The following IGSF22 variants were observed in gnomAD, a reference collection of about 807,000 sequenced individuals.
The protein encoded by IGSF22 is immunoglobulin superfamily member 22.
In IGSF22, 119 loss-of-function variants were observed where a neutral mutation model predicts 127.0. That is an observed-to-expected ratio of 0.94 (90% CI 0.81 to 1.09). The LOEUF is 1.09. Ranked by LOEUF, IGSF22 falls within the 50% of genes least tolerant of loss-of-function variation. IGSF22 has a pLI of 0.00. For missense variants in IGSF22, 1,518 were observed against 1,716.6 expected, an observed-to-expected ratio of 0.88 and a Z score of 2.04; for synonymous variants, 568 against 664.7, an observed-to-expected ratio of 0.85 and a Z score of 2.24.
At chr11:18,712,624 T>A (rs768746505) in intron 14 of IGSF22, among the ~76,000 whole-genome samples, 6 of 152,200 alleles carry the variant, frequency 3.9e-5, no homozygotes, top group Non-Finnish European at 8.8e-5. Context: ...TAGGGGCCCC[T>A]GCCCTTAGCT....
chr11:18,722,185 GA>G, intron 2 of IGSF22, 144 bp from the exon 3 acceptor site: 1 of 939,134 alleles, frequency 1.1e-6, no homozygotes, highest in Non-Finnish European at 1.6e-6. Context: ...TACATGGGGA[GA>G]AAGCAGGGTG....
In IGSF22 at chr11:18,707,137, G is replaced by A. The variant is rs1192765786; in HGVS notation, c.3357C>T (p.Ser1119=). 6.4e-7 allele frequency: 1 copy of A among 1,551,510 alleles called. No individual in the cohort carries two copies. The highest frequency in any genetic ancestry group is 8.7e-7 in the Non-Finnish European group (1 of 1,146,942). Reference sequence around the variant, plus strand: ...CCTCACCGTCCTCCTGCACATCTGGGCTGTGGTTCCAGGTCAGAGTCACTG... The same window carrying A: ...CCTCACCGTCCTCCTGCACATCTGGACTGTGGTTCCAGGTCAGAGTCACTG... ...PNTVTLTWNH[S]PDVQEDGEAH... The change falls in exon 21 of 23, where the codon AGC becomes AGT. Residue 1119 remains serine, a synonymous_variant. Coordinates refer to ENST00000513874, the MANE Select transcript of IGSF22 (RefSeq NM_173588.4).
At position 18,721,681 on chromosome 11, in the gene IGSF22, G is replaced by C. The variant is rs201256609; in HGVS notation, c.242-10C>G. Reference sequence around the variant, plus strand: ...AACACGGCTTTGTCCCCTGCGATGAGCACAGGACGCGTTTTCGCCTCTTAG... The same window carrying C: ...AACACGGCTTTGTCCCCTGCGATGACCACAGGACGCGTTTTCGCCTCTTAG... On this transcript the variant is annotated splice_polypyrimidine_tract_variant and intron_variant, in intron 3 of 22. Coordinates refer to ENST00000513874, the MANE Select transcript of IGSF22 (RefSeq NM_173588.4). 62 of 1,614,026 alleles carry C rather than the reference G, an allele frequency of 3.8e-5. No individual in the cohort carries two copies. Among genetic ancestry groups the C allele is most frequent in the Non-Finnish European group, 5.2e-5 (61 of 1,179,916 alleles).
At chr11:18,714,444 G>A in intron 12 of IGSF22, 26 bp from the exon 13 acceptor site, 5 of 1,614,150 alleles carry the variant, frequency 3.1e-6, no homozygotes, top group Non-Finnish European at 4.2e-6. Context: ...GGGCCTGAGT[G>A]TGAGCATAGG....
At chr11:18,717,782 C>T (rs1848488584) in intron 9 of IGSF22, 149 bp downstream of exon 9, 5 of 787,162 alleles carry the variant, frequency 6.4e-6, no homozygotes, top group Non-Finnish European at 1.0e-5. Flanking sequence ...CTGATGCTTC[C>T]TCCCTCCATT....
At position 18,712,389 on chromosome 11, in the gene IGSF22, G is replaced by A. The variant is rs1269172568; in HGVS notation, c.2096-5C>T. The A allele has an allele frequency of 3.9e-6, 6 of 1,545,268 alleles. No individual in the cohort carries two copies. The highest frequency in any genetic ancestry group is 1.4e-5 in the African/African-American group (1 of 72,868). On this transcript the variant is annotated splice_region_variant and splice_polypyrimidine_tract_variant and intron_variant, in intron 14 of 22. Coordinates refer to ENST00000513874, the MANE Select transcript of IGSF22 (RefSeq NM_173588.4). ...CCTGTGGAGGCTTTGGACGGTCTGG[G>A]GACAGAGAACAGCTTCAGAATGGGG...
chr11:18,705,335 A>G (rs1848203515), intron 22 of IGSF22: 1 of 165,902 alleles, frequency 6.0e-6, no homozygotes, highest in Non-Finnish European at 1.3e-5. Flanking sequence ...ACACATGAGT[A>G]GAAACATGGC....
chr11:18,707,272 C>A lies in IGSF22; in HGVS notation c.3281-59G>T, dbSNP rs903360148. ...GGGCACCTGAAGTATTATGTCCCCA[C>A]CCCAGCCATCTGCCAAGTCCGATGG... On this transcript the variant is annotated intron_variant, in intron 20 of 22. Coordinates refer to ENST00000513874, the MANE Select transcript of IGSF22 (RefSeq NM_173588.4). The A allele has an allele frequency of 5.7e-6, 8 of 1,399,554 alleles. No homozygotes were observed. The South Asian group carries it at 1.2e-4, about 21-fold the overall frequency. The allele number at this position is 1,399,554 out of a possible 1,614,324, so 86.7% of individuals were successfully genotyped here. A position where few individuals can be genotyped will look rare whatever the true frequency, so the allele number is the denominator to read the frequency against.
chr11:18,725,632 G>T (rs1237419224), intron 1 of IGSF22, among the ~76,000 whole-genome samples: 4 of 152,050 alleles, frequency 2.6e-5, no homozygotes, highest in Non-Finnish European at 5.9e-5. Flanking sequence ...AGTACAGATG[G>T]CGTTTCACTA....
At chr11:18,718,501 C>T (rs2134166596) in intron 8 of IGSF22, 114 bp downstream of exon 8, 1 of 768,154 alleles carries the variant, frequency 1.3e-6, no homozygotes, top group East Asian at 2.4e-5. Flanking sequence ...TCAACCATAC[C>T]AGGAGGCATC....
At chr11:18,722,360 T>G (rs1848590471) in intron 2 of IGSF22, among the ~76,000 whole-genome samples, 1 of 152,128 alleles carries the variant, frequency 6.6e-6, no homozygotes, top group Non-Finnish European at 1.5e-5. Flanking sequence ...CTCTTAGGCT[T>G]CTCTCCTGGA....
Position 18,705,039 on chromosome 11 carries a change from T to C in IGSF22, c.3911-501A>G, listed in dbSNP as rs1848196066. On this transcript the variant is annotated intron_variant, in intron 22 of 22. Coordinates refer to ENST00000513874, the MANE Select transcript of IGSF22 (RefSeq NM_173588.4). ...GAGACAGAGCAACAGGACAAGGTCC[T>C]TTCCCCAAAGAAAGGTATCTATAAC... is the stretch of plus-strand genomic sequence containing the variant. 2.0e-5 allele frequency among the ~76,000 whole-genome samples: 3 copies of C among 152,232 alleles called. No individual in the cohort carries two copies. The South Asian group carries it at 6.2e-4, about 32-fold the overall frequency.
In IGSF22 at chr11:18,704,496, A is replaced by G. The variant is rs1848183857; in HGVS notation, c.3953T>C (p.Leu1318Pro). The change falls in exon 23 of 23, where the codon CTG becomes CCG. Residue 1318 changes from leucine (L) to proline (P), a missense_variant. Transcript: ENST00000513874. The stretch of plus-strand genomic sequence containing the variant: ...CATGAGGTGCTTTGATTTCTTCTGC[A>G]GACTCTCGGTGATGGATGCTACAAC... ...KSVVASITESLQKKSKHLM is the reference protein window; with the variant it reads ...KSVVASITESPQKKSKHLM 4 of 1,550,612 alleles carry G rather than the reference A, an allele frequency of 2.6e-6. 1 individual carries two copies. Among genetic ancestry groups the G allele is most frequent in the South Asian group, 2.4e-5 (2 of 84,010 alleles).
At chr11:18,717,107 G>GTGCTTTCCCCCAGCCAT in intron 9 of IGSF22, 107 bp from the exon 10 acceptor site, 3 of 1,260,000 alleles carry the variant, frequency 2.4e-6, no homozygotes, top group Non-Finnish European at 3.3e-6. Context: ...CCATGGCTGG[G>GTGCTTTCCCCCAGCCAT]GGAAAGCACC....
chr11:18,704,692 A>G, intron 22 of IGSF22, 154 bp from the exon 23 acceptor site: 1 of 623,930 alleles, frequency 1.6e-6, no homozygotes, highest in Non-Finnish European at 2.9e-6. Flanking sequence ...GCTGCCATTT[A>G]TCTAGCACTT....
chr11:18,714,893 G>A (rs1564872392), intron 11 of IGSF22, among the ~76,000 whole-genome samples: 2 of 152,136 alleles, frequency 1.3e-5, no homozygotes, highest in Non-Finnish European at 2.9e-5. Context: ...TGGCTAGTGG[G>A]GAATTGATTA....
chr11:18,721,713 G>C, intron 3 of IGSF22, 42 bp from the exon 4 acceptor site: 2 of 1,610,844 alleles, frequency 1.2e-6, no homozygotes, highest in South Asian at 2.2e-5. Flanking sequence ...TTAGCCACCA[G>C]GCTAGAGCCT....
In IGSF22 at chr11:18,714,398, C is replaced by CT. The variant is rs775307386; in HGVS notation, c.1676_1677insA (p.Met559IlefsTer20). On this transcript the variant is annotated frameshift_variant, in exon 13 of 23. Coordinates refer to ENST00000513874, the MANE Select transcript of IGSF22 (RefSeq NM_173588.4). LOFTEE classifies it high-confidence loss of function. Reference sequence around the variant, plus strand: ...GCACTGCACCCTGCTTCACAATCTGCATGCCTGGCAAGTCCGTGATCTGGG... The same window carrying CT: ...GCACTGCACCCTGCTTCACAATCTGCTATGCCTGGCAAGTCCGTGATCTGGG... 5 of 1,614,048 alleles carry CT rather than the reference C, an allele frequency of 3.1e-6. No individual in the cohort carries two copies. The highest frequency in any genetic ancestry group is 4.2e-6 in the Non-Finnish European group (5 of 1,179,876).
At position 18,707,941 on chromosome 11, in the gene IGSF22, C is replaced by T. The variant is rs146342750; in HGVS notation, c.3143G>A (p.Arg1048Gln). The T allele has an allele frequency of 5.3e-3, 8,542 of 1,614,180 alleles. 47 individuals are homozygous for T. Among genetic ancestry groups the T allele is most frequent in the South Asian group, 7.1e-3 (651 of 91,084 alleles). ...GTTTTTGCTCTTGGTAATTGTCTCTCGGCCCTTGGTGGGAACGCCATCTTT... is the reference window on the plus strand; with the variant it reads ...GTTTTTGCTCTTGGTAATTGTCTCTTGGCCCTTGGTGGGAACGCCATCTTT... Reference protein sequence around the residue: ...WQKDGVPTKGRETITKSKNHS... With the variant: ...WQKDGVPTKGQETITKSKNHS... Residue 1048 changes from arginine to glutamine, a missense_variant, in exon 20 of 23, where the codon CGA (arginine) becomes CAA (glutamine). By Grantham distance (43) the Arg-to-Gln change is conservative. Transcript: ENST00000513874.
Sources: gnomAD v4.1 joint callset for allele counts (sites outside exome capture counted in the v4.1 genomes callset) on GRCh38, gnomAD v4.1.1 for gene constraint, MANE v1.5 for transcripts, NCBI Gene and HGNC (gene_info 2026-07-23, HGNC 2026-07-21) for gene names.